The following KANK1 variants were observed in gnomAD, a reference collection of about 807,000 sequenced individuals.
KANK1 encodes KN motif and ankyrin repeat domain-containing protein 1.
KANK1 carries 109 observed loss-of-function variants against 106.2 expected under a neutral mutation model. That is an observed-to-expected ratio of 1.03 (90% CI 0.88 to 1.20). The LOEUF is 1.20. Ranked by LOEUF, KANK1 falls within the 50% of genes most tolerant of loss-of-function variation. The pLI is 0.00. For synonymous variants in KANK1, 873 were observed against 652.2 expected (o/e 1.34, Z -5.16); for missense variants, 2,399 against 1,710.7 (o/e 1.40, Z -7.10).
chr9:585,325 C>T (rs1490979225), intron 1 of KANK1, among the ~76,000 whole-genome samples: 2 of 152,188 alleles, frequency 1.3e-5, no homozygotes, highest in East Asian at 3.8e-4. Flanking sequence ...AGAACACGTT[C>T]ACTTTGTCAC....
At chr9:524,108 A>T (rs1411743026) in intron 1 of KANK1, among the ~76,000 whole-genome samples, 1 of 151,656 alleles carries the variant, frequency 6.6e-6, no homozygotes, top group Admixed American at 6.6e-5. Flanking sequence ...GAAAACGTTT[A>T]TTTCCTTGAT....
At chr9:568,718 C>A (rs898739511) in intron 1 of KANK1, among the ~76,000 whole-genome samples, 1 of 152,144 alleles carries the variant, frequency 6.6e-6, no homozygotes, top group African/African-American at 2.4e-5. Context: ...ATCTCGAACT[C>A]CTGGCCTCCC....
intron 1 of KANK1, among the ~76,000 whole-genome samples, chr9:509,800 CTT>C (rs1049675474): frequency 5.3e-5 from 8 of 151,960 alleles, no homozygotes; most frequent in Non-Finnish European, 1.2e-4. Context: ...TTAAAGAAAT[CTT>C]TTTTATTTTT....
chr9:548,162 T>G (rs2804313), intron 1 of KANK1, among the ~76,000 whole-genome samples: 115,781 of 152,126 alleles, frequency 0.76, 47,029 homozygotes, highest in Non-Finnish European at 0.91. Flanking sequence ...GAAAATAATA[T>G]GTATTATGGA....
chr9:520,511 A>T (rs2059496458), intron 1 of KANK1, among the ~76,000 whole-genome samples: 1 of 151,668 alleles, frequency 6.6e-6, no homozygotes, highest in Non-Finnish European at 1.5e-5. Context: ...GAGATGCTAT[A>T]AGTCACGTGA....
At position 738,487 on chromosome 9, in the gene KANK1, A is replaced by T; in HGVS notation, c.3536A>T (p.Lys1179Met). The change falls in exon 8 of 12, where the codon AAG becomes ATG. Residue 1179 changes from lysine (K) to methionine (M), a missense_variant. Coordinates refer to ENST00000382297, the MANE Select transcript of KANK1 (RefSeq NM_015158.5). ...TCCCACTCCAACTTCGAGATTGTGAAGCTGCTGTTAGATGCCGGTATGTTG... is the reference window on the plus strand; with the variant it reads ...TCCCACTCCAACTTCGAGATTGTGATGCTGCTGTTAGATGCCGGTATGTTG... Reference protein sequence around the residue: ...SVSHSNFEIVKLLLDADVCNV... With the variant: ...SVSHSNFEIVMLLLDADVCNV... 1 of 1,613,994 alleles carries T rather than the reference A, an allele frequency of 6.2e-7. No homozygotes were observed. Among genetic ancestry groups the T allele is most frequent in the South Asian group, 1.1e-5 (1 of 91,068 alleles).
At chr9:601,993 C>G (rs1827863614) in intron 1 of KANK1, among the ~76,000 whole-genome samples, 1 of 151,832 alleles carries the variant, frequency 6.6e-6, no homozygotes, top group African/African-American at 2.4e-5. Context: ...ATGGTTGTAC[C>G]AGGTCTGAAA....
At chr9:671,952 A>T (rs1399780722) in intron 1 of KANK1, among the ~76,000 whole-genome samples, 1 of 152,216 alleles carries the variant, frequency 6.6e-6, no homozygotes, top group Admixed American at 6.5e-5. Flanking sequence ...CGTCTCAAAA[A>T]AGAAAAAAAA....
intron 1 of KANK1, among the ~76,000 whole-genome samples, chr9:505,181 C>T (rs1288156111): frequency 2.6e-5 from 4 of 152,134 alleles, no homozygotes; most frequent in African/African-American, 7.2e-5. Context: ...TAGCCCGGGG[C>T]GGAACGGGGG....
chr9:567,800 C>A (rs182068228), intron 1 of KANK1, among the ~76,000 whole-genome samples: 47 of 152,272 alleles, frequency 3.1e-4, no homozygotes, highest in African/African-American at 8.9e-4. Context: ...GATGCCCGAG[C>A]TTATCAGAAT....
chr9:640,272 C>T (rs1381233984), intron 1 of KANK1, among the ~76,000 whole-genome samples: 4 of 152,066 alleles, frequency 2.6e-5, no homozygotes, highest in African/African-American at 7.3e-5. Context: ...GACAGAGTCT[C>T]GCTCTGTCGC....
chr9:552,915 C>G (rs933345015), intron 1 of KANK1, among the ~76,000 whole-genome samples: 1 of 152,116 alleles, frequency 6.6e-6, no homozygotes, highest in Admixed American at 6.5e-5. Context: ...GAAGCCAAGG[C>G]AAGAGGATAG....
chr9:599,967 A>G (rs1294373593), intron 1 of KANK1, among the ~76,000 whole-genome samples: 1 of 151,874 alleles, frequency 6.6e-6, no homozygotes, highest in African/African-American at 2.4e-5. Context: ...ACCCACATCA[A>G]CGTATGTCCA....
chr9:613,340 A>G (rs1021662949), intron 1 of KANK1, among the ~76,000 whole-genome samples: 14 of 150,904 alleles, frequency 9.3e-5, no homozygotes, highest in African/African-American at 3.4e-4. Context: ...GTTGCTGGAG[A>G]TAGAGCAGAG....
chr9:532,141 C>T (rs892514769), intron 1 of KANK1, among the ~76,000 whole-genome samples: 2 of 151,768 alleles, frequency 1.3e-5, no homozygotes, highest in Admixed American at 6.6e-5. Flanking sequence ...CTAAAGGGGA[C>T]TTGGGCCCCA....
At chr9:655,559 C>G (rs1841960982) in intron 1 of KANK1, among the ~76,000 whole-genome samples, 1 of 152,232 alleles carries the variant, frequency 6.6e-6, no homozygotes, top group Non-Finnish European at 1.5e-5. Context: ...TTCTGTAGGT[C>G]TAGGGTAGGG....
chr9:698,515 G>A (rs1017305173), intron 2 of KANK1, among the ~76,000 whole-genome samples: 1 of 152,038 alleles, frequency 6.6e-6, no homozygotes, highest in African/African-American at 2.4e-5. Flanking sequence ...AGGTAACAGA[G>A]CCCTAGAAGA....
chr9:635,061 T>G (rs1238952734), intron 1 of KANK1, among the ~76,000 whole-genome samples: 1 of 152,136 alleles, frequency 6.6e-6, no homozygotes, highest in Non-Finnish European at 1.5e-5. Context: ...ACATGGTCCT[T>G]TACAAACCAA....
chr9:528,427 C>T (rs191454810), intron 1 of KANK1, among the ~76,000 whole-genome samples: 46 of 150,244 alleles, frequency 3.1e-4, no homozygotes, highest in African/African-American at 1.1e-3. Context: ...GGTGGATTTC[C>T]TCAGCTTTAC....
Sources: gnomAD v4.1 joint callset for allele counts (sites outside exome capture counted in the v4.1 genomes callset) on GRCh38, gnomAD v4.1.1 for gene constraint, MANE v1.5 for transcripts, NCBI Gene and HGNC (gene_info 2026-07-23, HGNC 2026-07-21) for gene names.